Variants in HSPA4L observed in about 807,000 individuals in gnomAD.
HSPA4L encodes the protein heat shock 70 kDa protein 4L.
HSPA4L carries 48 observed loss-of-function variants against 100.3 expected under a neutral mutation model. The ratio of observed to expected loss-of-function variants is 0.48; its 90% CI spans 0.38 to 0.61. The LOEUF (loss-of-function observed/expected upper bound fraction) is 0.61. HSPA4L is among the 20% of genes least tolerant of loss of function. The probability of loss-of-function intolerance (pLI) is 0.00; values close to 1 mark genes in which losing one functional copy is unlikely to be tolerated. For missense variants in HSPA4L, 886 were observed against 988.6 expected (o/e 0.90, Z 1.39); for synonymous variants, 319 against 328.2 (o/e 0.97, Z 0.30).
chr4:127,792,674 G>T (rs1732910366), intron 1 of HSPA4L, among the ~76,000 whole-genome samples: 1 of 152,190 alleles, frequency 6.6e-6, no homozygotes, highest in South Asian at 2.1e-4. Flanking sequence ...TCACGTTCTG[G>T]CTTCTGGTAC....
At chr4:127,819,761 A>G (rs1173064469) in intron 13 of HSPA4L, among the ~76,000 whole-genome samples, 1 of 152,200 alleles carries the variant, frequency 6.6e-6, no homozygotes, top group South Asian at 2.1e-4. Context: ...TTCACCAAAC[A>G]TAATGTTTTC....
At chr4:127,810,470 A>G (rs1733494345) in intron 11 of HSPA4L, among the ~76,000 whole-genome samples, 1 of 152,184 alleles carries the variant, frequency 6.6e-6, no homozygotes, top group Non-Finnish European at 1.5e-5. Context: ...CTCCAAATAC[A>G]GTCACGTCTG....
intron 1 of HSPA4L, 96 bp downstream of exon 1, chr4:127,782,753 C>G (rs1732599676): frequency 3.2e-6 from 3 of 926,520 alleles, no homozygotes; most frequent in Admixed American, 5.4e-5. Flanking sequence ...TCGGATTTTC[C>G]CCTAACGTGC....
At chr4:127,783,967 G>A (rs1732640935) in intron 1 of HSPA4L, among the ~76,000 whole-genome samples, 1 of 152,094 alleles carries the variant, frequency 6.6e-6, no homozygotes, top group Non-Finnish European at 1.5e-5. Context: ...TCAATACATG[G>A]GCATAGATAA....
intron 12 of HSPA4L, 61 bp downstream of exon 12, chr4:127,811,697 C>T: frequency 8.1e-7 from 1 of 1,232,068 alleles, no homozygotes; most frequent in African/African-American, 1.5e-5. Context: ...ATATCTTAAT[C>T]ATAACTGGGA....
Position 127,782,464 on chromosome 4 carries a change from C to T in HSPA4L, c.-87C>T, listed in dbSNP as rs1560647029. On this transcript the variant is annotated 5_prime_UTR_variant, in exon 1 of 19. Transcript: ENST00000296464. ...CCTCTCGTTTGCTTCTGGTAGGAGT[C>T]GCAATCCCAGCAGCAATAGCCCAGA... The T allele has an allele frequency of 1.8e-6, 2 of 1,088,836 alleles. No homozygotes were observed. Among genetic ancestry groups the T allele is most frequent in the East Asian group, 4.9e-5 (2 of 41,062 alleles). The allele number at this position is 1,088,836 out of a possible 1,614,324, so 67.4% of individuals were successfully genotyped here. A position where few individuals can be genotyped will look rare whatever the true frequency, so the allele number is the denominator to read the frequency against.
Position 127,832,889 on chromosome 4 carries a change from T to C in HSPA4L, c.*15T>C. The C allele has an allele frequency of 6.4e-7, 1 of 1,573,380 alleles. No individual in the cohort carries two copies. The highest frequency in any genetic ancestry group is 8.6e-7 in the Non-Finnish European group (1 of 1,156,314). On this transcript the variant is annotated 3_prime_UTR_variant, in exon 19 of 19. Coordinates refer to ENST00000296464, the MANE Select transcript of HSPA4L (RefSeq NM_014278.4). ...AAGTGGACTAAGTCTTAATTTTACC[T>C]TCACATTAATTCAAACCGTGCAAGT...
At chr4:127,794,722 A>G (rs1304391429) in intron 2 of HSPA4L, among the ~76,000 whole-genome samples, 1 of 152,076 alleles carries the variant, frequency 6.6e-6, no homozygotes, top group East Asian at 1.9e-4. Flanking sequence ...TGGGTCTTAT[A>G]TCTCATATTC....
rs1366195985 is a variant in HSPA4L, at chr4:127,838,877, C to A, written c.*6003C>A. On this transcript the variant is annotated 3_prime_UTR_variant, in exon 19 of 19. Coordinates refer to ENST00000296464, the MANE Select transcript of HSPA4L (RefSeq NM_014278.4). ...AGTTAATTTTATTACTTTTTGTTTC[C>A]TTTTTAATATTTATTCTTCCCGTTA... 6.6e-6 allele frequency: 1 copy of A among 151,922 alleles called. No homozygotes were observed. The highest frequency in any genetic ancestry group is 1.5e-5 in the Non-Finnish European group (1 of 67,962). The allele number at this position is 151,922 out of a possible 1,614,324, so 9.4% of individuals were successfully genotyped here. A position where few individuals can be genotyped will look rare whatever the true frequency, so the allele number is the denominator to read the frequency against.
intron 14 of HSPA4L, among the ~76,000 whole-genome samples, chr4:127,820,792 G>C (rs892576275): frequency 1.3e-5 from 2 of 152,010 alleles, no homozygotes; most frequent in African/African-American, 2.4e-5. Flanking sequence ...CTCCTCTATA[G>C]AGAAAGACTT....
In HSPA4L at chr4:127,811,599, C is replaced by T. The variant is rs773191477; in HGVS notation, c.1541C>T (p.Thr514Ile). 3 of 1,613,452 alleles carry T rather than the reference C, an allele frequency of 1.9e-6. No individual in the cohort carries two copies. The highest frequency in any genetic ancestry group is 2.5e-6 in the Non-Finnish European group (3 of 1,179,834). Reference protein sequence around the residue: ...EGDHSDAPMETETSFKNENKD... With the variant: ...EGDHSDAPMEIETSFKNENKD... Reference sequence around the variant, plus strand: ...GATCACAGTGATGCTCCAATGGAGACAGAAACTTCATTTAAAAATGAAAAC... The same window carrying T: ...GATCACAGTGATGCTCCAATGGAGATAGAAACTTCATTTAAAAATGAAAAC... The change falls in exon 12 of 19, where the codon ACA (threonine) becomes ATA (isoleucine). Residue 514 changes from threonine to isoleucine, a missense_variant. Transcript: ENST00000296464.
At position 127,803,868 on chromosome 4, in the gene HSPA4L, G is replaced by C; in HGVS notation, c.903G>C (p.Met301Ile). ...FMNDLDVSSK[M>I]NRAQFEQLCA... ...ATGACCTTGATGTTTCTAGTAAAAT[G>C]AACAGGTACCACGTATGTTTTTAGT... The change falls in exon 7 of 19, where the codon ATG (methionine) becomes ATC (isoleucine). Residue 301 changes from methionine (M) to isoleucine (I), a missense_variant. Physicochemically the swap from Met to Ile is conservative, Grantham distance 10 (BLOSUM62 1). Coordinates refer to ENST00000296464, the MANE Select transcript of HSPA4L (RefSeq NM_014278.4). 4 of 1,613,210 alleles carry C rather than the reference G, an allele frequency of 2.5e-6. No homozygotes were observed. The highest frequency in any genetic ancestry group is 2.5e-6 in the Non-Finnish European group (3 of 1,179,586).
intron 1 of HSPA4L, among the ~76,000 whole-genome samples, chr4:127,784,293 C>G (rs571405776): frequency 5.3e-4 from 81 of 152,316 alleles, no homozygotes; most frequent in African/African-American, 1.9e-3. Flanking sequence ...GAAACCAGAA[C>G]AGTAAGAAAG....
chr4:127,800,904 A>C (rs1464813136), intron 4 of HSPA4L, among the ~76,000 whole-genome samples: 17 of 152,170 alleles, frequency 1.1e-4, no homozygotes, highest in Non-Finnish European at 2.9e-5. Context: ...GACGAATAAA[A>C]CTTAGGCAAC....
intron 11 of HSPA4L, among the ~76,000 whole-genome samples, chr4:127,810,433 G>C (rs1316784823): frequency 6.6e-6 from 1 of 152,088 alleles, no homozygotes; most frequent in African/African-American, 2.4e-5. Flanking sequence ...CTCATTTCTG[G>C]AGGTTAGAAG....
intron 18 of HSPA4L, among the ~76,000 whole-genome samples, chr4:127,831,317 A>C (rs1342339826): frequency 1.3e-5 from 2 of 152,062 alleles, no homozygotes; most frequent in Non-Finnish European, 2.9e-5. Context: ...CATAAACAAC[A>C]TGGTGAAACC....
At chr4:127,805,537 T>G (rs1733329736) in intron 9 of HSPA4L, 150 bp from the exon 10 acceptor site, 1 of 570,806 alleles carries the variant, frequency 1.8e-6, no homozygotes, top group South Asian at 3.3e-5. Flanking sequence ...ACTCAGGCCC[T>G]TTTAAATTTT....
chr4:127,804,424 G>T (rs1044893330), intron 8 of HSPA4L, among the ~76,000 whole-genome samples: 2 of 152,004 alleles, frequency 1.3e-5, no homozygotes, highest in African/African-American at 4.8e-5. Flanking sequence ...TGGACAACAT[G>T]GTGAAACCCC....
chr4:127,798,523 G>A lies in HSPA4L; in HGVS notation c.307-64G>A. ...TATGTCTATCACATATACAGTAGGTGCTCACTGAATATTTGTTGGATAAAC... is the reference window on the plus strand; with the variant it reads ...TATGTCTATCACATATACAGTAGGTACTCACTGAATATTTGTTGGATAAAC... On this transcript the variant is annotated intron_variant, in intron 3 of 18. Transcript: ENST00000296464. 2.0e-6 allele frequency: 3 copies of A among 1,501,182 alleles called. No individual in the cohort carries two copies. In the South Asian group the frequency reaches 3.4e-5, roughly 17 times the overall value. 93.0% of individuals were successfully genotyped at this position (1,501,182 alleles called of 1,614,324 possible).
Sources: gnomAD v4.1 joint callset for allele counts (sites outside exome capture counted in the v4.1 genomes callset) on GRCh38, gnomAD v4.1.1 for gene constraint, MANE v1.5 for transcripts, NCBI Gene and HGNC (gene_info 2026-07-23, HGNC 2026-07-21) for gene names.